The following PRIM2 variants were observed in gnomAD, a reference collection of about 807,000 sequenced individuals.
The protein encoded by PRIM2 is DNA primase large subunit.
PRIM2 carries 39 observed loss-of-function variants against 67.3 expected under a neutral mutation model. That is an observed-to-expected ratio of 0.58 (90% CI 0.45 to 0.76). The LOEUF is 0.76. Among genes scored for constraint, PRIM2 ranks in the 30% least tolerant of loss-of-function variants. The pLI is 0.00. For missense variants in PRIM2, 398 were observed against 598.7 expected (o/e 0.66, Z 3.50); for synonymous variants, 143 against 198.7 (o/e 0.72, Z 2.36).
chr6:57,238,040 C>G, the PRIM2 span, among the ~76,000 whole-genome samples: 1 of 152,186 alleles, frequency 6.6e-6, no homozygotes, highest in Non-Finnish European at 1.5e-5. Context: ...GCACCCAATA[C>G]AGCAGCACCC....
the PRIM2 span, among the ~76,000 whole-genome samples, chr6:57,274,034 C>T: frequency 6.6e-6 from 1 of 152,206 alleles, no homozygotes; most frequent in Non-Finnish European, 1.5e-5. Flanking sequence ...TCAGTCCGCC[C>T]CTACTGGGGG....
chr6:57,377,585 A>G (rs1769811852), intron 5 of PRIM2, among the ~76,000 whole-genome samples: 2 of 151,976 alleles, frequency 1.3e-5, no homozygotes, highest in African/African-American at 4.8e-5. Context: ...TAAGTTGAAA[A>G]TGGGTTGTAG....
intron 5 of PRIM2, among the ~76,000 whole-genome samples, chr6:57,330,753 A>G (rs1454382416): frequency 6.6e-6 from 1 of 151,942 alleles, no homozygotes; most frequent in Non-Finnish European, 1.5e-5. Context: ...AGTTTTTTTT[A>G]TAGATGCCCT....
chr6:57,424,749 T>G (rs1450021213), intron 7 of PRIM2, among the ~76,000 whole-genome samples: 1 of 152,188 alleles, frequency 6.6e-6, no homozygotes, highest in African/African-American at 2.4e-5. Context: ...AATGTGCATT[T>G]TTGACATCAG....
chr6:57,635,249 A>G (rs2127500187), intron 13 of PRIM2, among the ~76,000 whole-genome samples: 1 of 152,236 alleles, frequency 6.6e-6, no homozygotes, highest in South Asian at 2.1e-4. Context: ...GTAAAACAAT[A>G]TTGCTTTCAT....
At chr6:57,258,734 A>G in the PRIM2 span, among the ~76,000 whole-genome samples, 1 of 152,152 alleles carries the variant, frequency 6.6e-6, no homozygotes, top group African/African-American at 2.4e-5. Context: ...TCCCTGTTCC[A>G]TCTGATATTA....
intron 10 of PRIM2, among the ~76,000 whole-genome samples, chr6:57,562,060 GAC>G (rs1277480053): frequency 7.2e-5 from 11 of 152,100 alleles, no homozygotes; most frequent in Non-Finnish European, 1.6e-4. Flanking sequence ...GCAGTCAGAA[GAC>G]ACACAACATT....
chr6:57,316,507 T>C (rs1002304284), upstream of PRIM2, among the ~76,000 whole-genome samples: 1 of 152,214 alleles, frequency 6.6e-6, no homozygotes, highest in African/African-American at 2.4e-5. Flanking sequence ...GGTCCTGATA[T>C]AAAGTCAGTG....
chr6:57,226,854 A>G, the PRIM2 span, among the ~76,000 whole-genome samples: 1 of 152,220 alleles, frequency 6.6e-6, no homozygotes. Flanking sequence ...GAATGTAAAG[A>G]GTGACTTGCA....
chr6:57,517,916 T>C (rs1451207622), intron 8 of PRIM2, among the ~76,000 whole-genome samples: 2 of 152,218 alleles, frequency 1.3e-5, no homozygotes, highest in East Asian at 3.8e-4. Context: ...TTTTTCCAAG[T>C]AAACTGATGC....
the PRIM2 span, among the ~76,000 whole-genome samples, chr6:57,303,891 TC>T: frequency 6.6e-6 from 1 of 152,192 alleles, no homozygotes; most frequent in East Asian, 1.9e-4. Flanking sequence ...TGCCTAGGCC[TC>T]CCAAAGTGCT....
At chr6:57,250,460 A>G in the PRIM2 span, among the ~76,000 whole-genome samples, 2 of 152,370 alleles carry the variant, frequency 1.3e-5, no homozygotes, top group South Asian at 4.1e-4. Context: ...ATAGATATAT[A>G]AGATTACAAA....
At chr6:57,562,070 A>T (rs1280918755) in intron 10 of PRIM2, among the ~76,000 whole-genome samples, 1 of 152,144 alleles carries the variant, frequency 6.6e-6, no homozygotes, top group African/African-American at 2.4e-5. Context: ...GACACACAAC[A>T]TTTATCAACT....
At chr6:57,503,097 C>T (rs1774173295) in intron 7 of PRIM2, among the ~76,000 whole-genome samples, 1 of 152,196 alleles carries the variant, frequency 6.6e-6, no homozygotes, top group Non-Finnish European at 1.5e-5. Context: ...CTTACATTCA[C>T]TCTACAAAAC....
intron 5 of PRIM2, among the ~76,000 whole-genome samples, chr6:57,347,659 G>A (rs1768723494): frequency 6.6e-6 from 1 of 152,124 alleles, no homozygotes; most frequent in Admixed American, 6.5e-5. Context: ...GCCTAGGCTG[G>A]TCTTGAACTT....
intron 7 of PRIM2, among the ~76,000 whole-genome samples, chr6:57,448,383 A>G (rs1772430381): frequency 6.6e-6 from 1 of 152,174 alleles, no homozygotes; most frequent in Non-Finnish European, 1.5e-5. Context: ...AGGCAGTTCA[A>G]AGGAATGCAT....
chr6:57,294,366 A>T, the PRIM2 span, among the ~76,000 whole-genome samples: 1 of 152,100 alleles, frequency 6.6e-6, no homozygotes. Context: ...CTGTAATCCC[A>T]GCTACTCAGA....
the PRIM2 span, among the ~76,000 whole-genome samples, chr6:57,276,540 A>G: frequency 2.0e-5 from 3 of 152,158 alleles, no homozygotes; most frequent in African/African-American, 7.2e-5. Flanking sequence ...TTAGTAAGGG[A>G]AAAGCATGGG....
chr6:57,336,777 G>T (rs1768264831), intron 5 of PRIM2, among the ~76,000 whole-genome samples: 1 of 152,186 alleles, frequency 6.6e-6, no homozygotes, highest in African/African-American at 2.4e-5. Flanking sequence ...AAAGACCATT[G>T]AAATTAGGAA....
Sources: gnomAD v4.1 joint callset for allele counts (sites outside exome capture counted in the v4.1 genomes callset) on GRCh38, gnomAD v4.1.1 for gene constraint, MANE v1.5 for transcripts, NCBI Gene and HGNC (gene_info 2026-07-23, HGNC 2026-07-21) for gene names.